Variants in PLA2G4A observed in about 807,000 individuals in gnomAD.
PLA2G4A encodes cytosolic phospholipase A2.
A neutral mutation model predicts 81.9 loss-of-function variants in PLA2G4A; 40 were observed. The ratio of observed to expected loss-of-function variants is 0.49; its 90% CI spans 0.38 to 0.64. The LOEUF is 0.64. PLA2G4A is among the 30% of genes least tolerant of loss of function. The pLI is 0.00. For missense variants in PLA2G4A, 715 were observed against 905.1 expected, an observed-to-expected ratio of 0.79 and a Z score of 2.69; for synonymous variants, 302 against 296.9, an observed-to-expected ratio of 1.02 and a Z score of -0.18.
intron 13 of PLA2G4A, among the ~76,000 whole-genome samples, chr1:186,951,548 A>T (rs138054428): frequency 6.6e-6 from 1 of 152,272 alleles, no homozygotes; most frequent in East Asian, 1.9e-4. Flanking sequence ...GTCCTATTAC[A>T]GTTTGAATAT....
At chr1:186,949,258 G>GGAAA (rs970498630) in intron 12 of PLA2G4A, among the ~76,000 whole-genome samples, 1 of 124,256 alleles carries the variant, frequency 8.0e-6, no homozygotes, top group Non-Finnish European at 1.7e-5. Context: ...AAGAAAGAAA[G>GGAAA]GAAAGAAAGA....
chr1:186,937,011 T>TG (rs140969266), intron 8 of PLA2G4A, among the ~76,000 whole-genome samples: 44,263 of 150,908 alleles, frequency 0.29, 8,578 homozygotes, highest in African/African-American at 0.54. Context: ...AGTTAAAAAC[T>TG]GGGGTGATAC....
intron 7 of PLA2G4A, among the ~76,000 whole-genome samples, chr1:186,920,236 A>G (rs1655298189): frequency 6.6e-6 from 1 of 152,118 alleles, no homozygotes; most frequent in Non-Finnish European, 1.5e-5. Flanking sequence ...CTGTTTTGTA[A>G]AGGAGATGGT....
At chr1:186,870,331 G>T in intron 2 of PLA2G4A, 104 bp from the exon 3 acceptor site, 1 of 731,248 alleles carries the variant, frequency 1.4e-6, no homozygotes, top group Admixed American at 2.0e-5. Flanking sequence ...TTTCTGGTAT[G>T]CATGCTACTT....
At chr1:186,968,466 TTCTG>T (rs1456526784) in intron 15 of PLA2G4A, among the ~76,000 whole-genome samples, 1 of 148,342 alleles carries the variant, frequency 6.7e-6, no homozygotes, top group African/African-American at 2.5e-5. Flanking sequence ...TAGTTTTGCA[TTCTG>T]TCTCTTTCTA....
intron 1 of PLA2G4A, among the ~76,000 whole-genome samples, chr1:186,851,884 G>A (rs1383815456): frequency 6.6e-6 from 1 of 151,786 alleles, no homozygotes; most frequent in African/African-American, 2.4e-5. Flanking sequence ...AGTTAATTAG[G>A]GAAAAATAAT....
At chr1:186,914,965 T>A (rs1372898212) in intron 7 of PLA2G4A, among the ~76,000 whole-genome samples, 1 of 152,180 alleles carries the variant, frequency 6.6e-6, no homozygotes, top group Non-Finnish European at 1.5e-5. Flanking sequence ...TTTGGTGAAC[T>A]AAAGTAGCGA....
chr1:186,869,702 A>C (rs1021674400), intron 2 of PLA2G4A, among the ~76,000 whole-genome samples: 1 of 152,194 alleles, frequency 6.6e-6, no homozygotes, highest in Non-Finnish European at 1.5e-5. Flanking sequence ...CCTAAGATTA[A>C]AACAAGAAAT....
At chr1:186,903,672 C>T (rs747629598) in intron 5 of PLA2G4A, among the ~76,000 whole-genome samples, 2 of 152,102 alleles carry the variant, frequency 1.3e-5, no homozygotes, top group African/African-American at 2.4e-5. Flanking sequence ...GAATATAATG[C>T]CTGAGGATCT....
chr1:186,975,155 T>C (rs1253004446), intron 15 of PLA2G4A, among the ~76,000 whole-genome samples: 1 of 152,178 alleles, frequency 6.6e-6, no homozygotes, highest in Non-Finnish European at 1.5e-5. Flanking sequence ...TTGTGAACAG[T>C]GCTGGACAAG....
intron 13 of PLA2G4A, among the ~76,000 whole-genome samples, chr1:186,955,822 C>G (rs1231007375): frequency 1.3e-5 from 2 of 149,990 alleles, no homozygotes; most frequent in African/African-American, 4.9e-5. Flanking sequence ...CAACCTCCGC[C>G]TCCCGGGTTC....
chr1:186,955,839 T>G (rs1656728522), intron 13 of PLA2G4A, among the ~76,000 whole-genome samples: 1 of 147,204 alleles, frequency 6.8e-6, no homozygotes, highest in African/African-American at 2.5e-5. Flanking sequence ...GTTCAAGCGA[T>G]TCTCCTGCCT....
At chr1:186,842,065 T>C (rs1281500560) in intron 1 of PLA2G4A, among the ~76,000 whole-genome samples, 11 of 144,052 alleles carry the variant, frequency 7.6e-5, no homozygotes, top group African/African-American at 1.3e-4. Context: ...TTTTTTGAGA[T>C]GGAGTCTCTC....
intron 7 of PLA2G4A, 149 bp downstream of exon 7, chr1:186,911,538 A>G: frequency 1.5e-6 from 1 of 683,778 alleles, no homozygotes; most frequent in Non-Finnish European, 2.6e-6. Flanking sequence ...TTGTAAATGA[A>G]AACTCTTTGA....
intron 1 of PLA2G4A, among the ~76,000 whole-genome samples, chr1:186,853,130 A>G (rs1486680939): frequency 6.6e-6 from 1 of 151,896 alleles, no homozygotes; most frequent in Non-Finnish European, 1.5e-5. Flanking sequence ...CTTATTTTTT[A>G]TAATTCTTAA....
At chr1:186,840,648 A>G (rs762318213) in intron 1 of PLA2G4A, among the ~76,000 whole-genome samples, 1 of 152,200 alleles carries the variant, frequency 6.6e-6, no homozygotes, top group Non-Finnish European at 1.5e-5. Context: ...TGAAATAGTC[A>G]TTGCTTTCAT....
chr1:186,911,301 T>A lies in PLA2G4A; in HGVS notation c.470T>A (p.Phe157Tyr). 1 of 1,611,100 alleles carries A rather than the reference T, an allele frequency of 6.2e-7. No homozygotes were observed. Among genetic ancestry groups the A allele is most frequent in the South Asian group, 1.1e-5 (1 of 91,042 alleles). Residue 157 changes from phenylalanine (F) to tyrosine (Y), a missense_variant, in exon 7 of 18, where the codon TTC (phenylalanine) becomes TAC (tyrosine). Physicochemically the swap from Phe to Tyr is conservative, Grantham distance 22 (BLOSUM62 3). Coordinates refer to ENST00000367466, the MANE Select transcript of PLA2G4A (RefSeq NM_024420.3). ...GCTCTGTGTGATCAGGAGAAGACTT[T>A]CAGACAACAGAGAAAAGAACACATA... is the stretch of plus-strand genomic sequence containing the variant. ...SMALCDQEKT[F>Y]RQQRKEHIRE...
chr1:186,873,529 C>T (rs1653361094), intron 3 of PLA2G4A, among the ~76,000 whole-genome samples: 1 of 152,004 alleles, frequency 6.6e-6, no homozygotes, highest in Non-Finnish European at 1.5e-5. Context: ...TTCTGCCTTG[C>T]TTGTGTGTCT....
At chr1:186,860,034 G>T (rs1652739593) in intron 2 of PLA2G4A, among the ~76,000 whole-genome samples, 2 of 152,144 alleles carry the variant, frequency 1.3e-5, no homozygotes, top group South Asian at 4.1e-4. Flanking sequence ...CTGTAAATGA[G>T]TTAATAATGA....
Sources: allele counts gnomAD v4.1 joint callset (sites outside exome capture counted in the v4.1 genomes callset), GRCh38; gene constraint gnomAD v4.1.1; transcripts MANE v1.5; gene names NCBI Gene and HGNC (gene_info 2026-07-23, HGNC 2026-07-21).